UTRN: variants seen among roughly 807,000 people sequenced by gnomAD.
UTRN encodes the protein utrophin.
UTRN carries 283 observed loss-of-function variants against 463.9 expected under a neutral mutation model. The observed-to-expected ratio is 0.61, with a 90% confidence interval of 0.55 to 0.67. The LOEUF (loss-of-function observed/expected upper bound fraction) is 0.67. Among genes scored for constraint, UTRN ranks in the 30% least tolerant of loss-of-function variants. The probability of loss-of-function intolerance (pLI) is 0.00; values close to 1 mark genes in which losing one functional copy is unlikely to be tolerated. For synonymous variants in UTRN, 1,442 were observed against 1,431.5 expected (o/e 1.01, Z -0.17); for missense variants, 3,922 against 4,084.3 (o/e 0.96, Z 1.08).
chr6:144,838,518 C>T (rs1781291193), intron 71 of UTRN, among the ~76,000 whole-genome samples: 1 of 152,198 alleles, frequency 6.6e-6, no homozygotes, highest in Non-Finnish European at 1.5e-5. Context: ...ATATATTTGT[C>T]AGCGTATCCA....
intron 2 of UTRN, among the ~76,000 whole-genome samples, chr6:144,335,280 C>T (rs1776632466): frequency 6.6e-6 from 1 of 152,192 alleles, no homozygotes; most frequent in Admixed American, 6.5e-5. Context: ...TAAGAGAGCC[C>T]AGCTTTGTTC....
At chr6:144,773,309 A>G (rs1452757740) in intron 59 of UTRN, among the ~76,000 whole-genome samples, 1 of 152,162 alleles carries the variant, frequency 6.6e-6, no homozygotes, top group Non-Finnish European at 1.5e-5. Context: ...AAGAAAATGA[A>G]GTGTCCTTGG....
chr6:144,406,363 T>TC (rs1230694606), intron 3 of UTRN, among the ~76,000 whole-genome samples: 5 of 30,944 alleles, frequency 1.6e-4, no homozygotes, highest in South Asian at 3.4e-3. Context: ...TTTCTTTTTT[T>TC]TTTTTTTTTT....
chr6:144,343,706 A>G (rs1017176972), intron 2 of UTRN, among the ~76,000 whole-genome samples: 9 of 152,192 alleles, frequency 5.9e-5, no homozygotes, highest in Non-Finnish European at 1.3e-4. Flanking sequence ...AATCCTTTTC[A>G]GTTTTACTTC....
At chr6:144,620,479 G>C (rs536574482) in intron 51 of UTRN, among the ~76,000 whole-genome samples, 1 of 152,172 alleles carries the variant, frequency 6.6e-6, no homozygotes, top group East Asian at 1.9e-4. Context: ...AGAAGAACCA[G>C]AACTCTTGAA....
chr6:144,622,284 G>A (rs1775500918), intron 51 of UTRN, among the ~76,000 whole-genome samples: 2 of 139,078 alleles, frequency 1.4e-5, no homozygotes, highest in South Asian at 2.3e-4. Context: ...CCAGGTTCAT[G>A]CAATTAATTC....
At position 144,448,603 on chromosome 6, in the gene UTRN, ACT is replaced by A; in HGVS notation, c.1908_1909del (p.Gln637GlyfsTer31). ...TTTTGGATGGCTTTTATTTCAGGTG[ACT>A]CAGGCTGTAGCAAAGCTGGGGATGT... ...QRLEDSSNQV[T>X]QAVAKLGMSQ... On this transcript the variant is annotated frameshift_variant, in exon 17 of 75. Coordinates refer to ENST00000367545, the MANE Select transcript of UTRN (RefSeq NM_007124.3). LOFTEE classifies it high-confidence loss of function. The A allele has an allele frequency of 6.2e-7, 1 of 1,613,172 alleles. No individual in the cohort carries two copies. Among genetic ancestry groups the A allele is most frequent in the Non-Finnish European group, 8.5e-7 (1 of 1,179,570 alleles).
intron 54 of UTRN, among the ~76,000 whole-genome samples, chr6:144,748,031 T>A (rs934213610): frequency 3.3e-5 from 5 of 152,192 alleles, no homozygotes; most frequent in Admixed American, 3.3e-4. Context: ...CAGTAACTGT[T>A]TTATTATCCT....
intron 10 of UTRN, among the ~76,000 whole-genome samples, chr6:144,436,866 T>C (rs1786603794): frequency 7.0e-6 from 1 of 143,174 alleles, no homozygotes; most frequent in Admixed American, 7.0e-5. Context: ...TAAATAAATA[T>C]ATATAAATAA....
At chr6:144,497,056 T>G (rs1345643390) in intron 33 of UTRN, among the ~76,000 whole-genome samples, 1 of 152,126 alleles carries the variant, frequency 6.6e-6, no homozygotes, top group Non-Finnish European at 1.5e-5. Flanking sequence ...AATCTGTGTC[T>G]TAAGCAGTTA....
At chr6:144,305,900 G>C (rs1221425545) in intron 2 of UTRN, among the ~76,000 whole-genome samples, 2 of 152,232 alleles carry the variant, frequency 1.3e-5, no homozygotes, top group Non-Finnish European at 2.9e-5. Flanking sequence ...GGCAGATCTG[G>C]ATAGGAGATT....
chr6:144,514,715 T>C lies in UTRN; in HGVS notation c.5139T>C (p.Ile1713=), dbSNP rs1164071771. 2 of 1,614,178 alleles carry C rather than the reference T, an allele frequency of 1.2e-6. No individual in the cohort carries two copies. Residue 1713 remains isoleucine, a synonymous_variant, in exon 37 of 75, where the codon ATT becomes ATC. Coordinates refer to ENST00000367545, the MANE Select transcript of UTRN (RefSeq NM_007124.3). The part of the protein sequence containing the change: ...QVENVRDQAL[I]LMNARGSSSR... ...AAAATGTCCGCGATCAAGCCCTTAT[T>C]TTGATGAATGCCCGTGGAAGCTCAA...
intron 48 of UTRN, among the ~76,000 whole-genome samples, chr6:144,551,414 G>A (rs1798910203): frequency 6.6e-6 from 1 of 152,132 alleles, no homozygotes; most frequent in South Asian, 2.1e-4. Flanking sequence ...TCACAAGAAT[G>A]CAAATCCTTT....
chr6:144,450,985 C>T (rs757253595), intron 17 of UTRN, among the ~76,000 whole-genome samples: 6 of 151,954 alleles, frequency 3.9e-5, no homozygotes, highest in East Asian at 1.9e-4. Context: ...TGGTGGTGGG[C>T]ACCTATAATC....
Position 144,335,385 on chromosome 6 carries a change from T to A in UTRN, c.79+43478T>A, listed in dbSNP as rs11758245. Among the ~76,000 whole-genome samples, 59 of 152,368 alleles carry A rather than the reference T, an allele frequency of 3.9e-4. No homozygotes were observed. The South Asian group carries it at 5.8e-3, about 15-fold the overall frequency. On this transcript the variant is annotated intron_variant, in intron 2 of 74. Coordinates refer to ENST00000367545, the MANE Select transcript of UTRN (RefSeq NM_007124.3). ...TCTGCCACCCGCTCCTTTGCAACTCTGTAGAGCATTTTAATAACAGGTTGT... is the reference window on the plus strand; with the variant it reads ...TCTGCCACCCGCTCCTTTGCAACTCAGTAGAGCATTTTAATAACAGGTTGT...
intron 13 of UTRN, among the ~76,000 whole-genome samples, chr6:144,442,728 C>T (rs1231236584): frequency 2.0e-5 from 3 of 152,172 alleles, no homozygotes; most frequent in Non-Finnish European, 4.4e-5. Flanking sequence ...CTTCAATTAC[C>T]TCCCACCAAG....
chr6:144,333,635 C>G (rs1776496749), intron 2 of UTRN, among the ~76,000 whole-genome samples: 1 of 152,042 alleles, frequency 6.6e-6, no homozygotes, highest in African/African-American at 2.4e-5. Context: ...TGAGAATTCC[C>G]TGCATAGATC....
chr6:144,375,123 C>T (rs775738595), intron 2 of UTRN, among the ~76,000 whole-genome samples: 1 of 152,118 alleles, frequency 6.6e-6, no homozygotes, highest in Non-Finnish European at 1.5e-5. Context: ...CTAACATCAT[C>T]ACACTTGAAT....
intron 51 of UTRN, among the ~76,000 whole-genome samples, chr6:144,645,324 T>C (rs1778180189): frequency 6.6e-6 from 1 of 152,228 alleles, no homozygotes; most frequent in Non-Finnish European, 1.5e-5. Flanking sequence ...TTCAATAGAA[T>C]TGTATCTTTT....
Sources: gnomAD v4.1 joint callset for allele counts (sites outside exome capture counted in the v4.1 genomes callset) on GRCh38, gnomAD v4.1.1 for gene constraint, MANE v1.5 for transcripts, NCBI Gene and HGNC (gene_info 2026-07-23, HGNC 2026-07-21) for gene names.